Variants in WDR37 observed in about 807,000 individuals in gnomAD.
The protein encoded by WDR37 is WD repeat domain 37.
A neutral mutation model predicts 62.9 loss-of-function variants in WDR37; 19 were observed. That is an observed-to-expected ratio of 0.30 (90% CI 0.21 to 0.44). The LOEUF is 0.44. WDR37 is among the 20% of genes least tolerant of loss of function. The pLI, the probability that WDR37 is intolerant of heterozygous loss-of-function variation, is 1.00. For synonymous variants in WDR37, 250 were observed against 260.9 expected (o/e 0.96, Z 0.40); for missense variants, 474 against 657.6 (o/e 0.72, Z 3.05).
chr10:1,082,994 A>G (rs1474079461), intron 5 of WDR37, among the ~76,000 whole-genome samples: 1 of 152,254 alleles, frequency 6.6e-6, no homozygotes, highest in Non-Finnish European at 1.5e-5. Flanking sequence ...CTGGAAAATG[A>G]AATTTACTAC....
At chr10:1,128,608 C>G (rs1224441938) in intron 13 of WDR37, among the ~76,000 whole-genome samples, 3 of 152,194 alleles carry the variant, frequency 2.0e-5, no homozygotes, top group African/African-American at 7.2e-5. Context: ...TTTAATTTAC[C>G]TCTAAATATC....
In WDR37 at chr10:1,131,022, GT is replaced by G. The variant is rs1438266891; in HGVS notation, c.*1680del. On this transcript the variant is annotated 3_prime_UTR_variant, in exon 14 of 14. Coordinates refer to ENST00000263150, the MANE Select transcript of WDR37 (RefSeq NM_014023.4). ...TTTTGATTTTACAAATAAAAAATGT[GT>G]TGTGTTTTTGTCCGACATTATTTCC... is the stretch of plus-strand genomic sequence containing the variant. 6.6e-6 allele frequency: 1 copy of G among 152,222 alleles called. No homozygotes were observed. The highest frequency in any genetic ancestry group is 1.5e-5 in the Non-Finnish European group (1 of 68,036). 9.4% of individuals were successfully genotyped at this position (152,222 alleles called of 1,614,324 possible).
intron 13 of WDR37, among the ~76,000 whole-genome samples, chr10:1,126,478 C>A (rs1835784160): frequency 1.3e-5 from 2 of 152,158 alleles, no homozygotes; most frequent in African/African-American, 2.4e-5. Context: ...GAGGCCCCCC[C>A]AGAGGATCCC....
intron 1 of WDR37, among the ~76,000 whole-genome samples, chr10:1,066,928 C>T (rs546119327): frequency 1.2e-4 from 18 of 152,282 alleles, no homozygotes; most frequent in Admixed American, 1.0e-3. Flanking sequence ...ATAGAACCAT[C>T]AGATCTTGTG....
chr10:1,126,186 A>G (rs1247453137), intron 13 of WDR37, among the ~76,000 whole-genome samples: 4 of 152,122 alleles, frequency 2.6e-5, no homozygotes, highest in Non-Finnish European at 5.9e-5. Context: ...CGGGCAGATC[A>G]CGAGGTCAGG....
chr10:1,110,799 C>T (rs769269557), intron 11 of WDR37, among the ~76,000 whole-genome samples: 12 of 152,350 alleles, frequency 7.9e-5, no homozygotes, highest in Non-Finnish European at 1.5e-4. Context: ...CAAGGACATC[C>T]GTGAGCCTCC....
intron 11 of WDR37, among the ~76,000 whole-genome samples, chr10:1,106,358 T>G (rs1835021572): frequency 6.6e-6 from 1 of 152,198 alleles, no homozygotes; most frequent in Non-Finnish European, 1.5e-5. Context: ...AGTGCTGCTC[T>G]CCACCCCGAC....
chr10:1,095,901 T>G (rs942285327), intron 8 of WDR37, among the ~76,000 whole-genome samples: 6 of 152,254 alleles, frequency 3.9e-5, no homozygotes, highest in Non-Finnish European at 7.3e-5. Flanking sequence ...GTACATTTTC[T>G]CTGAACTTCC....
intron 9 of WDR37, among the ~76,000 whole-genome samples, chr10:1,100,433 GT>G (rs142254971): frequency 0.16 from 23,684 of 152,194 alleles, 2,010 homozygotes; most frequent in Non-Finnish European, 0.18. Context: ...AAGCAGTTTT[GT>G]TTTCTGAAGC....
intron 5 of WDR37, among the ~76,000 whole-genome samples, chr10:1,083,010 G>A (rs11250254): frequency 0.13 from 19,452 of 152,104 alleles, 1,445 homozygotes; most frequent in East Asian, 0.19. Flanking sequence ...ACTACAATAC[G>A]GTTATTAATG....
rs1157104193 is a variant in WDR37, at chr10:1,131,935, G to A, written c.*2591G>A. The A allele has an allele frequency of 6.6e-6, 1 of 152,604 alleles. No individual in the cohort carries two copies. Among genetic ancestry groups the A allele is most frequent in the Non-Finnish European group, 1.5e-5 (1 of 68,032 alleles). The allele number at this position is 152,604 out of a possible 1,614,324, so 9.5% of individuals were successfully genotyped here. A position where few individuals can be genotyped will look rare whatever the true frequency, so the allele number is the denominator to read the frequency against. On this transcript the variant is annotated 3_prime_UTR_variant, in exon 14 of 14. Coordinates refer to ENST00000263150, the MANE Select transcript of WDR37 (RefSeq NM_014023.4). The stretch of plus-strand genomic sequence containing the variant: ...ACTCTTTTTCAACCACTGCTCATCA[G>A]TTTCTGTAGAGACAAAAACTCTGTA...
chr10:1,092,272 C>G (rs979858575), intron 7 of WDR37, among the ~76,000 whole-genome samples: 9 of 152,080 alleles, frequency 5.9e-5, no homozygotes, highest in Admixed American at 5.9e-4. Context: ...TTTGGGAGGC[C>G]GAGGTAGGCA....
chr10:1,087,618 A>C (rs1487739563), intron 7 of WDR37, among the ~76,000 whole-genome samples: 3 of 151,608 alleles, frequency 2.0e-5, no homozygotes, highest in Admixed American at 2.0e-4. Flanking sequence ...GTAGGTCTTA[A>C]TGGTAGGCTT....
intron 6 of WDR37, among the ~76,000 whole-genome samples, chr10:1,085,371 T>C (rs1042081723): frequency 3.9e-5 from 6 of 152,218 alleles, no homozygotes; most frequent in Non-Finnish European, 7.3e-5. Context: ...AGTTTGGTAC[T>C]CACTGAAAGT....
chr10:1,124,848 C>T, intron 12 of WDR37, 62 bp from the exon 13 acceptor site: 6 of 1,583,052 alleles, frequency 3.8e-6, no homozygotes, highest in Non-Finnish European at 5.2e-6. Flanking sequence ...CATTATCTGT[C>T]AACTCAAAAA....
Position 1,086,335 on chromosome 10 carries a change from G to C in WDR37, c.582G>C (p.Lys194Asn). The C allele has an allele frequency of 6.2e-7, 1 of 1,614,190 alleles. No individual in the cohort carries two copies. Among genetic ancestry groups the C allele is most frequent in the African/African-American group, 1.3e-5 (1 of 75,064 alleles). ...TAGAGACAGGGAAGTGCCTAGTCAAGTACGCAGGCCACGTGGGCTCAGGTA... is the reference window on the plus strand; with the variant it reads ...TAGAGACAGGGAAGTGCCTAGTCAACTACGCAGGCCACGTGGGCTCAGGTA... ...WSIETGKCLV[K>N]YAGHVGSVNS... Residue 194 changes from lysine to asparagine, a missense_variant, in exon 7 of 14, where the codon AAG becomes AAC. Lys to Asn is a moderately conservative substitution (Grantham distance 94). Coordinates refer to ENST00000263150, the MANE Select transcript of WDR37 (RefSeq NM_014023.4).
chr10:1,077,855 A>T, intron 2 of WDR37, 52 bp from the exon 3 acceptor site: 1 of 1,347,070 alleles, frequency 7.4e-7, no homozygotes, highest in Non-Finnish European at 1.0e-6. Flanking sequence ...GCATATTTGT[A>T]CTTAGAGTTT....
intron 7 of WDR37, among the ~76,000 whole-genome samples, chr10:1,090,658 C>A (rs1479076725): frequency 6.6e-6 from 1 of 152,200 alleles, no homozygotes; most frequent in African/African-American, 2.4e-5. Context: ...GGTGAGGGTC[C>A]CAGTTTCACT....
chr10:1,059,231 C>A (rs75431717), intron 1 of WDR37, among the ~76,000 whole-genome samples: 9,293 of 152,176 alleles, frequency 0.061, 495 homozygotes, highest in African/African-American at 0.15. Context: ...CAAAAATCAG[C>A]TGGGCATGGT....
Sources: gnomAD v4.1 joint callset for allele counts (sites outside exome capture counted in the v4.1 genomes callset) on GRCh38, gnomAD v4.1.1 for gene constraint, MANE v1.5 for transcripts, NCBI Gene and HGNC (gene_info 2026-07-23, HGNC 2026-07-21) for gene names.